KCND2: variants seen among roughly 807,000 people sequenced by gnomAD.
The protein encoded by KCND2 is potassium voltage-gated channel subfamily D member 2.
Under a neutral mutation model 54.4 loss-of-function variants are expected in KCND2, and 16 were observed. That is an observed-to-expected ratio of 0.29 (90% CI 0.20 to 0.45). The LOEUF is 0.45. KCND2 is among the 20% of genes least tolerant of loss of function. The pLI, the probability that KCND2 is intolerant of heterozygous loss-of-function variation, is 1.00. For missense variants in KCND2, 486 were observed against 824.2 expected, an observed-to-expected ratio of 0.59 and a Z score of 5.02; for synonymous variants, 317 against 310.7, an observed-to-expected ratio of 1.02 and a Z score of -0.21.
At chr7:120,421,756 G>T (rs767253237) in intron 1 of KCND2, among the ~76,000 whole-genome samples, 3 of 152,120 alleles carry the variant, frequency 2.0e-5, no homozygotes, top group African/African-American at 7.2e-5. Context: ...ATCATTTCAG[G>T]CTGTTCTCTC....
chr7:120,734,894 G>T (rs140601961), intron 2 of KCND2, among the ~76,000 whole-genome samples: 4 of 152,096 alleles, frequency 2.6e-5, no homozygotes, highest in Admixed American at 1.3e-4. Context: ...TCTTAAGCAC[G>T]CATATGAACA....
chr7:120,575,078 C>T (rs930953925), intron 1 of KCND2, among the ~76,000 whole-genome samples: 5 of 151,840 alleles, frequency 3.3e-5, no homozygotes, highest in East Asian at 3.9e-4. Flanking sequence ...GATAGATATT[C>T]GTATCTAATA....
chr7:120,465,759 C>T (rs1019730803), intron 1 of KCND2, among the ~76,000 whole-genome samples: 3 of 152,140 alleles, frequency 2.0e-5, no homozygotes, highest in Non-Finnish European at 4.4e-5. Flanking sequence ...ATGTGAGCAT[C>T]ACCTTGTATT....
At chr7:120,449,991 T>C (rs1802077456) in intron 1 of KCND2, among the ~76,000 whole-genome samples, 1 of 152,230 alleles carries the variant, frequency 6.6e-6, no homozygotes, top group South Asian at 2.1e-4. Context: ...AAGATTCTAT[T>C]TAAGACACAT....
At chr7:120,399,283 C>T (rs754537343) in intron 1 of KCND2, among the ~76,000 whole-genome samples, 4 of 151,680 alleles carry the variant, frequency 2.6e-5, no homozygotes, top group Admixed American at 6.6e-5. Context: ...CACATTATAT[C>T]GTCTCCCTGA....
At chr7:120,376,259 A>G (rs1016090725) in intron 1 of KCND2, among the ~76,000 whole-genome samples, 2 of 151,650 alleles carry the variant, frequency 1.3e-5, no homozygotes, top group African/African-American at 4.8e-5. Flanking sequence ...GGTTGTCATA[A>G]GAAGGGCTCT....
Position 120,615,303 on chromosome 7 carries a change from G to T in KCND2, c.1116-117600G>T, listed in dbSNP as rs554994600. 5.3e-5 allele frequency among the ~76,000 whole-genome samples: 8 copies of T among 152,280 alleles called. No individual in the cohort carries two copies. In the South Asian group the frequency reaches 1.5e-3, roughly 28 times the overall value. ...GTCCTCTACCAGAACCTGGCTTCAA[G>T]ATCCTTTATGAATGGAATTTGAACT... On this transcript the variant is annotated intron_variant, in intron 1 of 5. Transcript: ENST00000331113.
chr7:120,343,134 T>G (rs1175605793), intron 1 of KCND2, among the ~76,000 whole-genome samples: 2 of 152,162 alleles, frequency 1.3e-5, no homozygotes, highest in African/African-American at 4.8e-5. Flanking sequence ...CTCAAAAGGA[T>G]GCACACTGTT....
chr7:120,324,026 G>T (rs1799934034), intron 1 of KCND2, among the ~76,000 whole-genome samples: 1 of 148,186 alleles, frequency 6.7e-6, no homozygotes, highest in Non-Finnish European at 1.5e-5. Flanking sequence ...TTGTGGTTTT[G>T]ATTTGCATTT....
chr7:120,617,658 G>T (rs994851440), intron 1 of KCND2, among the ~76,000 whole-genome samples: 1 of 152,072 alleles, frequency 6.6e-6, no homozygotes, highest in Non-Finnish European at 1.5e-5. Context: ...ATACCCAAAG[G>T]AATATAAGTC....
At chr7:120,335,626 C>T (rs1800140070) in intron 1 of KCND2, among the ~76,000 whole-genome samples, 1 of 151,750 alleles carries the variant, frequency 6.6e-6, no homozygotes, top group Non-Finnish European at 1.5e-5. Flanking sequence ...GCTGGGACTA[C>T]AGGCGCCCCC....
chr7:120,518,087 C>T (rs1803221381), intron 1 of KCND2, among the ~76,000 whole-genome samples: 1 of 152,046 alleles, frequency 6.6e-6, no homozygotes, highest in Non-Finnish European at 1.5e-5. Context: ...GATCTGTGGC[C>T]ATATCTCTAC....
At chr7:120,518,935 G>A (rs1287136379) in intron 1 of KCND2, among the ~76,000 whole-genome samples, 2 of 152,152 alleles carry the variant, frequency 1.3e-5, no homozygotes, top group African/African-American at 4.8e-5. Flanking sequence ...TTTCTATGAA[G>A]AAGAGAGGAA....
At chr7:120,505,109 AG>A (rs1466151982) in intron 1 of KCND2, among the ~76,000 whole-genome samples, 1 of 151,864 alleles carries the variant, frequency 6.6e-6, no homozygotes, top group African/African-American at 2.4e-5. Flanking sequence ...GAAATATAAA[AG>A]AACTGCTCTG....
At chr7:120,648,190 T>C (rs1793465510) in intron 1 of KCND2, among the ~76,000 whole-genome samples, 1 of 151,984 alleles carries the variant, frequency 6.6e-6, no homozygotes, top group Non-Finnish European at 1.5e-5. Flanking sequence ...TAATGGCACA[T>C]AGTAGAGACA....
At chr7:120,398,735 T>A (rs757789317) in intron 1 of KCND2, among the ~76,000 whole-genome samples, 3 of 152,158 alleles carry the variant, frequency 2.0e-5, no homozygotes, top group Non-Finnish European at 4.4e-5. Flanking sequence ...CACACCTTGC[T>A]AAGAAGTTCA....
intron 1 of KCND2, among the ~76,000 whole-genome samples, chr7:120,425,906 C>T (rs1460188696): frequency 6.6e-6 from 1 of 151,506 alleles, no homozygotes; most frequent in Non-Finnish European, 1.5e-5. Context: ...TTCTACTTTC[C>T]TCTTTCTCCT....
chr7:120,401,811 T>C (rs1262145780), intron 1 of KCND2, among the ~76,000 whole-genome samples: 1 of 152,162 alleles, frequency 6.6e-6, no homozygotes, highest in Non-Finnish European at 1.5e-5. Flanking sequence ...TTTCCATCAA[T>C]TTTGAGTCTA....
intron 1 of KCND2, among the ~76,000 whole-genome samples, chr7:120,523,039 C>T (rs190712727): frequency 5.9e-5 from 9 of 152,062 alleles, no homozygotes; most frequent in African/African-American, 1.9e-4. Context: ...TGTAGGTGAA[C>T]GATACAGATG....
Sources: allele counts gnomAD v4.1 joint callset (sites outside exome capture counted in the v4.1 genomes callset), GRCh38; gene constraint gnomAD v4.1.1; transcripts MANE v1.5; gene names NCBI Gene and HGNC (gene_info 2026-07-23, HGNC 2026-07-21).